CDKAL1: variants seen among roughly 807,000 people sequenced by gnomAD.
CDKAL1 encodes threonylcarbamoyladenosine tRNA methylthiotransferase.
In CDKAL1, 32 loss-of-function variants were observed where a neutral mutation model predicts 68.2. The ratio of observed to expected loss-of-function variants is 0.47; its 90% confidence interval spans 0.35 to 0.63. The LOEUF (loss-of-function observed/expected upper bound fraction) is 0.63. CDKAL1 is among the 30% of genes least tolerant of loss of function. CDKAL1 has a pLI of 0.00. For synonymous variants in CDKAL1, 234 were observed against 244.3 expected, an observed-to-expected ratio of 0.96 and a Z score of 0.39; for missense variants, 606 against 696.7, an observed-to-expected ratio of 0.87 and a Z score of 1.47.
At chr6:21,200,859 C>T (rs533677031) in intron 14 of CDKAL1, 19 of 302,986 alleles carry the variant, frequency 6.3e-5, no homozygotes, top group African/African-American at 3.4e-4. Flanking sequence ...AGAAAAATGA[C>T]ATTGAGGGAC....
intron 11 of CDKAL1, among the ~76,000 whole-genome samples, chr6:21,029,922 G>A (rs201301): frequency 0.15 from 23,293 of 152,126 alleles, 1,939 homozygotes; most frequent in Middle Eastern, 0.24. Context: ...ACAATGTGAC[G>A]ATTCCTTAAG....
chr6:21,025,376 G>A (rs964747446), intron 11 of CDKAL1, among the ~76,000 whole-genome samples: 3 of 152,098 alleles, frequency 2.0e-5, no homozygotes, highest in Non-Finnish European at 4.4e-5. Flanking sequence ...ACACTGACAT[G>A]TCTGCTCTAG....
At chr6:20,753,334 T>A (rs1774011826) in intron 6 of CDKAL1, among the ~76,000 whole-genome samples, 1 of 66,880 alleles carries the variant, frequency 1.5e-5, no homozygotes, top group Non-Finnish European at 3.2e-5. Context: ...AGTAATATGA[T>A]CAGGCACCAC....
At chr6:20,621,568 G>T (rs1003826760) in intron 4 of CDKAL1, among the ~76,000 whole-genome samples, 1 of 152,120 alleles carries the variant, frequency 6.6e-6, no homozygotes, top group Non-Finnish European at 1.5e-5. Context: ...CTACACAGGA[G>T]ATTTGTGTCT....
intron 4 of CDKAL1, among the ~76,000 whole-genome samples, chr6:20,579,784 TTGAG>T (rs1292907712): frequency 6.6e-6 from 1 of 152,176 alleles, no homozygotes; most frequent in African/African-American, 2.4e-5. Context: ...ATGATGCTGG[TTGAG>T]TATTTCAAGG....
intron 6 of CDKAL1, among the ~76,000 whole-genome samples, chr6:20,751,121 C>T (rs1467042472): frequency 6.6e-6 from 1 of 152,098 alleles, no homozygotes; most frequent in Non-Finnish European, 1.5e-5. Flanking sequence ...TATTCCTAGT[C>T]ATTAACTTAT....
chr6:21,212,221 C>T (rs957503232), intron 15 of CDKAL1, among the ~76,000 whole-genome samples: 1 of 152,028 alleles, frequency 6.6e-6, no homozygotes, highest in African/African-American at 2.4e-5. Flanking sequence ...TGGCTCTCGG[C>T]GATATGCAGG....
At chr6:20,666,230 C>T (rs1018857082) in intron 5 of CDKAL1, among the ~76,000 whole-genome samples, 6 of 151,192 alleles carry the variant, frequency 4.0e-5, no homozygotes, top group Non-Finnish European at 7.4e-5. Flanking sequence ...TACCAGTGCT[C>T]AGGGAAATAC....
chr6:20,918,315 A>G (rs1762807286), intron 9 of CDKAL1, among the ~76,000 whole-genome samples: 1 of 152,360 alleles, frequency 6.6e-6, no homozygotes, highest in East Asian at 1.9e-4. Context: ...GTATTTTATT[A>G]TAGCAGCCCA....
intron 10 of CDKAL1, among the ~76,000 whole-genome samples, chr6:20,994,609 C>T (rs1767005690): frequency 6.6e-6 from 1 of 152,188 alleles, no homozygotes; most frequent in Non-Finnish European, 1.5e-5. Context: ...CTCAGAGATA[C>T]TGCAGGTTTG....
intron 5 of CDKAL1, among the ~76,000 whole-genome samples, chr6:20,676,190 T>C (rs1770087379): frequency 6.6e-6 from 1 of 152,032 alleles, no homozygotes; most frequent in Admixed American, 6.5e-5. Context: ...AGCTGTTTAG[T>C]TTATTATTGA....
chr6:20,681,805 G>A (rs1581375391), intron 5 of CDKAL1, among the ~76,000 whole-genome samples: 1 of 152,280 alleles, frequency 6.6e-6, no homozygotes, highest in East Asian at 1.9e-4. Flanking sequence ...CCTTTCCCAT[G>A]ACATTACAGA....
chr6:20,736,379 T>C (rs1773194285), intron 5 of CDKAL1, among the ~76,000 whole-genome samples: 1 of 152,190 alleles, frequency 6.6e-6, no homozygotes, highest in Admixed American at 6.5e-5. Context: ...TACTTTAGAC[T>C]AAAACTTTGG....
intron 4 of CDKAL1, among the ~76,000 whole-genome samples, chr6:20,608,993 C>T (rs993398053): frequency 6.6e-6 from 1 of 152,100 alleles, no homozygotes; most frequent in Non-Finnish European, 1.5e-5. Context: ...GAGTATTGTA[C>T]TAATAAAGTT....
At chr6:20,904,804 G>T (rs200371187) in intron 9 of CDKAL1, among the ~76,000 whole-genome samples, 1 of 147,492 alleles carries the variant, frequency 6.8e-6, no homozygotes, top group African/African-American at 2.5e-5. Context: ...AAAAAAAAAA[G>T]AAAAAAGAAA....
At chr6:21,142,544 C>A (rs1473021322) in intron 13 of CDKAL1, among the ~76,000 whole-genome samples, 1 of 152,086 alleles carries the variant, frequency 6.6e-6, no homozygotes, top group Non-Finnish European at 1.5e-5. Context: ...GGATAAGGAC[C>A]CTCATTGGCA....
intron 4 of CDKAL1, among the ~76,000 whole-genome samples, chr6:20,632,704 T>G (rs573123518): frequency 4.1e-4 from 62 of 152,356 alleles, no homozygotes; most frequent in Non-Finnish European, 7.8e-4. Flanking sequence ...TATTTATTCT[T>G]TTATTATTCA....
At chr6:21,066,945 T>C (rs543750621) in intron 12 of CDKAL1, among the ~76,000 whole-genome samples, 27 of 152,314 alleles carry the variant, frequency 1.8e-4, no homozygotes, top group Non-Finnish European at 3.1e-4. Flanking sequence ...TACCCTTTTT[T>C]GTAATCATCT....
intron 13 of CDKAL1, among the ~76,000 whole-genome samples, chr6:21,112,489 T>C (rs1415533054): frequency 2.0e-5 from 3 of 152,234 alleles, no homozygotes; most frequent in Admixed American, 6.5e-5. Flanking sequence ...GTGGGCTTCT[T>C]GCTTTCTTTT....
Sources: allele counts gnomAD v4.1 joint callset (sites outside exome capture counted in the v4.1 genomes callset), GRCh38; gene constraint gnomAD v4.1.1; transcripts MANE v1.5; gene names NCBI Gene and HGNC (gene_info 2026-07-23, HGNC 2026-07-21).